The following KCNA4 variants were observed in gnomAD, a reference collection of about 807,000 sequenced individuals.
The protein encoded by KCNA4 is potassium voltage-gated channel subfamily A member 4.
A neutral mutation model predicts 37.2 loss-of-function variants in KCNA4; 5 were observed. That is an observed-to-expected ratio of 0.13 (90% CI 0.07 to 0.28). The LOEUF (loss-of-function observed/expected upper bound fraction) is 0.28. KCNA4 is among the 10% of genes least tolerant of loss of function. The probability of loss-of-function intolerance (pLI) is 1.00; values close to 1 mark genes in which losing one functional copy is unlikely to be tolerated. For missense variants in KCNA4, 634 were observed against 817.4 expected (o/e 0.78, Z 2.74); for synonymous variants, 350 against 311.8 (o/e 1.12, Z -1.29).
intron 1 of KCNA4, among the ~76,000 whole-genome samples, chr11:30,015,179 ACAT>A: frequency 6.6e-6 from 1 of 152,084 alleles, no homozygotes; most frequent in Non-Finnish European, 1.5e-5. Flanking sequence ...CTGACTCCTA[ACAT>A]CATCTCATAC....
In KCNA4 at chr11:30,011,849, C is replaced by T. The variant is rs919332620; in HGVS notation, c.830G>A (p.Arg277Lys). 2 of 1,614,108 alleles carry T rather than the reference C, an allele frequency of 1.2e-6. No individual in the cohort carries two copies. The highest frequency in any genetic ancestry group is 1.7e-6 in the Non-Finnish European group (2 of 1,180,032). Residue 277 changes from arginine to lysine, a missense_variant, in exon 2 of 2, where the codon AGA becomes AAA. Coordinates refer to ENST00000328224, the MANE Select transcript of KCNA4 (RefSeq NM_002233.4). This position sits in a 1 kb window ranked among gnomAD's most constrained non-coding sequence, Gnocchi z 5.6. ...LKFREDEGFV[R>K]EEEDRALPEN... ...GGGGAGGGCCCTGTCTTCCTCTTCT[C>T]TCACAAAGCCCTCGTCCTCCCGAAA... is the stretch of plus-strand genomic sequence containing the variant.
In KCNA4 at chr11:30,011,787, C is replaced by A; in HGVS notation, c.892G>T (p.Glu298Ter). Residue 298 changes from glutamate (E) to a stop codon, truncating the protein, a stop_gained, in exon 2 of 2, where the codon GAA becomes TAA. Transcript: ENST00000328224. LOFTEE classifies it high-confidence loss of function. This position sits in a 1 kb window ranked among gnomAD's most constrained non-coding sequence, Gnocchi z 5.6. Reference sequence around the variant, plus strand: ...GCAGGACTGGAGCTCTCTGGATATTCAAAGAGGAGCCAAATCTGCTTTTTA... The same window carrying A: ...GCAGGACTGGAGCTCTCTGGATATTAAAAGAGGAGCCAAATCTGCTTTTTA... ...EFKKQIWLLF[E>*]YPESSSPARG... 6.2e-7 allele frequency: 1 copy of A among 1,614,040 alleles called. No individual in the cohort carries two copies. The highest frequency in any genetic ancestry group is 1.1e-5 in the South Asian group (1 of 91,062).
chr11:30,013,157 C>T lies in KCNA4; in HGVS notation c.-479G>A, dbSNP rs546230520. On this transcript the variant is annotated 5_prime_UTR_variant, in exon 2 of 2. Transcript: ENST00000328224. ...AAATGTAAATAAAATGCAAATAAGCCTTTACTGTTAGCACTTGCCTTCTAG... is the reference window on the plus strand; with the variant it reads ...AAATGTAAATAAAATGCAAATAAGCTTTTACTGTTAGCACTTGCCTTCTAG... 1.8e-5 allele frequency: 3 copies of T among 168,092 alleles called. No individual in the cohort carries two copies. The East Asian group carries it at 5.8e-4, about 32-fold the overall frequency. 10.4% of individuals were successfully genotyped at this position (168,092 alleles called of 1,614,324 possible).
rs1478860153 is a variant in KCNA4 at position 30,012,443 on chromosome 11, C to T, written c.236G>A (p.Ser79Asn). The T allele has an allele frequency of 6.2e-7, 1 of 1,613,334 alleles. No individual in the cohort carries two copies. The highest frequency in any genetic ancestry group is 8.5e-7 in the Non-Finnish European group (1 of 1,180,024). Reference sequence around the variant, plus strand: ...TCGCCTCCTCCTCCGACTACCCCGGCTGCTCTGAGGGTCATGGGAGGTACA... The same window carrying T: ...TCGCCTCCTCCTCCGACTACCCCGGTTGCTCTGAGGGTCATGGGAGGTACA... ...GACTSHDPQS[S>N]RGSRRRRRQR... Residue 79 changes from serine to asparagine, a missense_variant, in exon 2 of 2, where the codon AGC (serine) becomes AAC (asparagine). Coordinates refer to ENST00000328224, the MANE Select transcript of KCNA4 (RefSeq NM_002233.4).
At chr11:30,015,634 T>C (rs1850343646) in intron 1 of KCNA4, among the ~76,000 whole-genome samples, 2 of 152,046 alleles carry the variant, frequency 1.3e-5, no homozygotes, top group African/African-American at 2.4e-5. Context: ...ACTAGTTACT[T>C]CACTATCCCT....
rs535625977 is a variant in KCNA4 at position 30,012,779 on chromosome 11, T to G, written c.-101A>C. On this transcript the variant is annotated 5_prime_UTR_variant, in exon 2 of 2. Coordinates refer to ENST00000328224, the MANE Select transcript of KCNA4 (RefSeq NM_002233.4). Reference sequence around the variant, plus strand: ...CCAAATTAAGGTAAGTTTGGAACCCTTAAGCAGATTGCTTGGAAGACTAAG... The same window carrying G: ...CCAAATTAAGGTAAGTTTGGAACCCGTAAGCAGATTGCTTGGAAGACTAAG... 7 of 1,474,008 alleles carry G rather than the reference T, an allele frequency of 4.7e-6. No homozygotes were observed. The Admixed American group carries it at 1.5e-4, about 31-fold the overall frequency. 91.3% of individuals were successfully genotyped at this position (1,474,008 alleles called of 1,614,324 possible).
rs1489363066 is a variant in KCNA4, at chr11:30,011,215, C to A, written c.1464G>T (p.Gly488=). 1 of 1,613,938 alleles carries A rather than the reference C, an allele frequency of 6.2e-7. No individual in the cohort carries two copies. The highest frequency in any genetic ancestry group is 8.5e-7 in the Non-Finnish European group (1 of 1,180,016). ...ACACAGCACTAGAAAAGAGGATGAC[C>A]CCAATGAAGAGGAAGAAGATCAGAA... ...LGLLIFFLFI[G]VILFSSAVYF... The change falls in exon 2 of 2, where the codon GGG becomes GGT. Residue 488 remains glycine, a synonymous_variant. Coordinates refer to ENST00000328224, the MANE Select transcript of KCNA4 (RefSeq NM_002233.4). This position sits in a 1 kb window ranked among gnomAD's most constrained non-coding sequence, Gnocchi z 5.6.
chr11:30,012,091 C>T lies in KCNA4; in HGVS notation c.588G>A (p.Gln196=), dbSNP rs1045595809. The stretch of plus-strand genomic sequence containing the variant: ...GGTCTCCCAACAAAGTCTCTGGAAA[C>T]TGGGCCAGAGTTTTCATTTGGGTCT... ...RFETQMKTLA[Q]FPETLLGDPE... The change falls in exon 2 of 2, where the codon CAG becomes CAA. Residue 196 remains glutamine (Q), a synonymous_variant. Transcript: ENST00000328224. 7.4e-6 allele frequency: 12 copies of T among 1,614,164 alleles called. No individual in the cohort carries two copies. The highest frequency in any genetic ancestry group is 1.0e-5 in the Non-Finnish European group (12 of 1,180,026).
Position 30,010,196 on chromosome 11 carries a change from A to G in KCNA4, c.*521T>C, listed in dbSNP as rs1049312845. On this transcript the variant is annotated 3_prime_UTR_variant, in exon 2 of 2. Transcript: ENST00000328224. ...AAAATTGTGACCTATAGTCTATTAA[A>G]TAATTTACTTTCTTTTTTCTCTACA... is the stretch of plus-strand genomic sequence containing the variant. The G allele has an allele frequency of 6.6e-6, 1 of 152,646 alleles. No individual in the cohort carries two copies. Among genetic ancestry groups the G allele is most frequent in the African/African-American group, 2.4e-5 (1 of 41,464 alleles). The allele number at this position is 152,646 out of a possible 1,614,324, so 9.5% of individuals were successfully genotyped here.
Position 30,017,013 on chromosome 11 carries a change from T to G in KCNA4, c.-1224A>C. The G allele has an allele frequency of 5.1e-6, 2 of 395,626 alleles. No homozygotes were observed. The highest frequency in any genetic ancestry group is 8.9e-6 in the Non-Finnish European group (2 of 224,304). The allele number at this position is 395,626 out of a possible 1,614,324, so 24.5% of individuals were successfully genotyped here. On this transcript the variant is annotated 5_prime_UTR_variant, in exon 1 of 2. Transcript: ENST00000328224. ...CTGCGGGAGCAGCACACGCCTCCCC[T>G]GGCCGCGAACGCGCTCTGGGCGGGG... is the stretch of plus-strand genomic sequence containing the variant.
Position 30,011,333 on chromosome 11 carries a change from A to C in KCNA4, c.1346T>G (p.Val449Gly), listed in dbSNP as rs1262326478. The C allele has an allele frequency of 1.9e-6, 3 of 1,614,064 alleles. No individual in the cohort carries two copies. The highest frequency in any genetic ancestry group is 2.5e-6 in the Non-Finnish European group (3 of 1,180,054). Residue 449 changes from valine to glycine, a missense_variant, in exon 2 of 2, where the codon GTC (valine) becomes GGC (glycine). Physicochemically the swap from Val to Gly is moderately radical, Grantham distance 109 (BLOSUM62 -3). Around this residue, in one of 8 missense-constraint regions of KCNA4, gnomAD observed 252 missense variants for 344.2 expected, o/e 0.73. Coordinates refer to ENST00000328224, the MANE Select transcript of KCNA4 (RefSeq NM_002233.4). This position sits in a 1 kb window ranked among gnomAD's most constrained non-coding sequence, Gnocchi z 5.6. ...SFAILRIIRLVRVFRIFKLSR... is the reference protein window; with the variant it reads ...SFAILRIIRLGRVFRIFKLSR... ...GAGTTTGAAGATCCGGAATACTCGG[A>C]CCAGACGAATGATTCTGAGGATGGC...
At position 30,012,918 on chromosome 11, in the gene KCNA4, C is replaced by T. The variant is rs1050064410; in HGVS notation, c.-240G>A. ...AGCTTGGCTGGTCGAGATAAATAGC[C>T]TGGCACTCTCAAGACTAAGAAGTCC... On this transcript the variant is annotated 5_prime_UTR_variant, in exon 2 of 2. Coordinates refer to ENST00000328224, the MANE Select transcript of KCNA4 (RefSeq NM_002233.4). The T allele has an allele frequency of 1.0e-4, 48 of 461,450 alleles. No individual in the cohort carries two copies. The highest frequency in any genetic ancestry group is 4.1e-5 in the Admixed American group (1 of 24,430). The allele number at this position is 461,450 out of a possible 1,614,324, so 28.6% of individuals were successfully genotyped here.
chr11:30,016,077 C>T (rs1353462100), intron 1 of KCNA4, among the ~76,000 whole-genome samples: 1 of 152,140 alleles, frequency 6.6e-6, no homozygotes, highest in Non-Finnish European at 1.5e-5. Context: ...GAAATATACA[C>T]TTCAACGCAC....
At position 30,010,776 on chromosome 11, in the gene KCNA4, C is replaced by T. The variant is rs1850295662; in HGVS notation, c.1903G>A (p.Asp635Asn). ...CAGTTGTTTTTATCTGTCTCACTGT[C>T]ATCCCCCTTTCCCTGACACTTCTCC... is the stretch of plus-strand genomic sequence containing the variant. The part of the protein sequence containing the change: ...KEEKCQGKGD[D>N]SETDKNNCSN... Residue 635 changes from aspartate to asparagine, a missense_variant, in exon 2 of 2, where the codon GAC (aspartate) becomes AAC (asparagine). Asp to Asn is a conservative substitution (Grantham distance 23, BLOSUM62 1). Coordinates refer to ENST00000328224, the MANE Select transcript of KCNA4 (RefSeq NM_002233.4). The T allele has an allele frequency of 6.2e-7, 1 of 1,613,970 alleles. No individual in the cohort carries two copies. The highest frequency in any genetic ancestry group is 1.7e-5 in the Admixed American group (1 of 60,000).
chr11:30,012,427 C>T lies in KCNA4; in HGVS notation c.252G>A (p.Arg84=), dbSNP rs561842368. 6 of 1,613,740 alleles carry T rather than the reference C, an allele frequency of 3.7e-6. No individual in the cohort carries two copies. In the African/African-American group the frequency reaches 8.0e-5, roughly 22 times the overall value. Reference sequence around the variant, plus strand: ...TCTTCTCAGACCGCTGTCGCCTCCTCCTCCGACTACCCCGGCTGCTCTGAG... The same window carrying T: ...TCTTCTCAGACCGCTGTCGCCTCCTTCTCCGACTACCCCGGCTGCTCTGAG... ...HDPQSSRGSR[R]RRRQRSEKKK... The change falls in exon 2 of 2, where the codon AGG becomes AGA. Residue 84 remains arginine, a synonymous_variant. Transcript: ENST00000328224.
At position 30,016,753 on chromosome 11, in the gene KCNA4, T is replaced by C. The variant is rs1244834234; in HGVS notation, c.-964A>G. On this transcript the variant is annotated 5_prime_UTR_variant, in exon 1 of 2. Coordinates refer to ENST00000328224, the MANE Select transcript of KCNA4 (RefSeq NM_002233.4). ...CCAAATATCCACGGAACAAGTTCTG[T>C]TGCCTGGCCCGAGGGGTGCACAGAG... is the stretch of plus-strand genomic sequence containing the variant. The C allele has an allele frequency of 5.4e-6, 2 of 370,424 alleles. No homozygotes were observed. Among genetic ancestry groups the C allele is most frequent in the African/African-American group, 4.2e-5 (2 of 47,516 alleles). The allele number at this position is 370,424 out of a possible 1,614,324, so 22.9% of individuals were successfully genotyped here. A position where few individuals can be genotyped will look rare whatever the true frequency, so the allele number is the denominator to read the frequency against.
intron 1 of KCNA4, among the ~76,000 whole-genome samples, chr11:30,014,384 C>T (rs1216144596): frequency 6.6e-6 from 1 of 152,134 alleles, no homozygotes; most frequent in Non-Finnish European, 1.5e-5. Context: ...TGCCAATTTC[C>T]ACATCTCTAA....
At chr11:30,016,246 C>G (rs1404049520) in intron 1 of KCNA4, 2 of 147,740 alleles carry the variant, frequency 1.4e-5, no homozygotes, top group East Asian at 1.9e-4. Flanking sequence ...TAAATCTTAA[C>G]CCCCCTCTCG....
chr11:30,012,013 G>A lies in KCNA4; in HGVS notation c.666C>T (p.Asp222=), dbSNP rs1453705108. 6.2e-7 allele frequency: 1 copy of A among 1,614,078 alleles called. No homozygotes were observed. The change falls in exon 2 of 2, where the codon GAC becomes GAT. Residue 222 remains aspartate (D), a synonymous_variant. Coordinates refer to ENST00000328224, the MANE Select transcript of KCNA4 (RefSeq NM_002233.4). ...TGGCATCAAAGCTGGGGCGGTTCCT[G>A]TCAAAAAAATACTCATTGCGCAAAG... ...FDPLRNEYFF[D]RNRPSFDAIL... is the part of the protein sequence containing the mutation.
Sources: allele counts gnomAD v4.1 joint callset (sites outside exome capture counted in the v4.1 genomes callset), GRCh38; gene constraint gnomAD v4.1.1; regional missense constraint gnomAD v4.1.1; non-coding constraint Gnocchi (gnomAD v3.1); transcripts MANE v1.5; gene names NCBI Gene and HGNC (gene_info 2026-07-23, HGNC 2026-07-21).